Variants in THSD7B observed in about 807,000 individuals in gnomAD.
THSD7B encodes thrombospondin type 1 domain containing 7B.
In THSD7B, 138 loss-of-function variants were observed where a neutral mutation model predicts 213.6. That is an observed-to-expected ratio of 0.65 (90% CI 0.56 to 0.74). The LOEUF is 0.74. THSD7B is among the 30% of genes least tolerant of loss of function. The pLI is 0.00. For missense variants in THSD7B, 1,931 were observed against 1,991.5 expected (o/e 0.97, Z 0.58); for synonymous variants, 742 against 687.0 (o/e 1.08, Z -1.25).
At chr2:137,456,206 A>G (rs1234338287) in intron 15 of THSD7B, among the ~76,000 whole-genome samples, 1 of 152,202 alleles carries the variant, frequency 6.6e-6, no homozygotes, top group Non-Finnish European at 1.5e-5. Flanking sequence ...GAAATGAATA[A>G]TGTAATAAAT....
chr2:136,960,858 G>A (rs1403240327), intron 2 of THSD7B, among the ~76,000 whole-genome samples: 3 of 151,704 alleles, frequency 2.0e-5, no homozygotes, highest in Admixed American at 6.6e-5. Flanking sequence ...GGGAGGCCGA[G>A]GTGGGCGGAT....
At chr2:137,106,225 C>G (rs1688247307) in intron 4 of THSD7B, among the ~76,000 whole-genome samples, 1 of 152,088 alleles carries the variant, frequency 6.6e-6, no homozygotes, top group Non-Finnish European at 1.5e-5. Flanking sequence ...AGAACACAGA[C>G]CTCAGAAGTA....
At chr2:136,780,869 G>A (rs1018013154) in intron 1 of THSD7B, among the ~76,000 whole-genome samples, 4 of 152,192 alleles carry the variant, frequency 2.6e-5, no homozygotes, top group African/African-American at 9.7e-5. Flanking sequence ...ACAGAGAGGT[G>A]TAAAACAGGC....
intron 2 of THSD7B, among the ~76,000 whole-genome samples, chr2:137,003,069 C>T (rs1299449752): frequency 6.6e-6 from 1 of 152,114 alleles, no homozygotes; most frequent in Non-Finnish European, 1.5e-5. Context: ...AAATGTTTGA[C>T]ATATCTCTGG....
At chr2:136,896,419 A>G (rs2105007096) in intron 2 of THSD7B, among the ~76,000 whole-genome samples, 1 of 152,278 alleles carries the variant, frequency 6.6e-6, no homozygotes, top group African/African-American at 2.4e-5. Context: ...AGTGAGTTTC[A>G]AGAGTCCTTT....
At chr2:136,933,845 A>C (rs1252743838) in intron 2 of THSD7B, among the ~76,000 whole-genome samples, 2 of 152,170 alleles carry the variant, frequency 1.3e-5, no homozygotes, top group East Asian at 1.9e-4. Context: ...TTCAGTTCCT[A>C]ATGTATTCTA....
At chr2:137,354,231 A>G (rs1234855561) in intron 12 of THSD7B, among the ~76,000 whole-genome samples, 1 of 152,044 alleles carries the variant, frequency 6.6e-6, no homozygotes, top group East Asian at 1.9e-4. Context: ...TTGTATCCCC[A>G]CAGCCTCCTA....
chr2:137,409,100 G>A (rs372138299), intron 13 of THSD7B, among the ~76,000 whole-genome samples: 4 of 152,298 alleles, frequency 2.6e-5, no homozygotes, highest in African/African-American at 9.6e-5. Context: ...TAGGAGAGGA[G>A]TCTGGATTTC....
intron 17 of THSD7B, among the ~76,000 whole-genome samples, chr2:137,583,487 C>G (rs1681634007): frequency 6.6e-6 from 1 of 152,212 alleles, no homozygotes; most frequent in African/African-American, 2.4e-5. Context: ...ACATTTAAGT[C>G]TTAAATCCAT....
chr2:137,631,108 G>T (rs544066175), intron 20 of THSD7B, among the ~76,000 whole-genome samples: 1 of 152,202 alleles, frequency 6.6e-6, no homozygotes, highest in East Asian at 1.9e-4. Context: ...CTGATGCTTG[G>T]CATATACTTT....
chr2:137,158,640 C>T (rs867120052), intron 5 of THSD7B, among the ~76,000 whole-genome samples: 3 of 150,040 alleles, frequency 2.0e-5, no homozygotes, highest in African/African-American at 7.6e-5. Flanking sequence ...ATACTTTTTC[C>T]CCATGGGTTG....
chr2:137,425,099 G>GATA (rs35350170), intron 14 of THSD7B, among the ~76,000 whole-genome samples: 129,548 of 147,064 alleles, frequency 0.88, 57,916 homozygotes, highest in South Asian at 0.97. Context: ...TAATAATAAT[G>GATA]ATAATAATAA....
At chr2:136,998,947 CACACACACACA>C (rs1558882034) in intron 2 of THSD7B, among the ~76,000 whole-genome samples, 6 of 150,480 alleles carry the variant, frequency 4.0e-5, no homozygotes, top group Non-Finnish European at 7.4e-5. Context: ...CACACACACA[CACACACACACA>C]CCCCTGCTTT....
At chr2:137,305,703 T>G (rs922569944) in intron 12 of THSD7B, among the ~76,000 whole-genome samples, 4 of 152,126 alleles carry the variant, frequency 2.6e-5, no homozygotes, top group African/African-American at 9.6e-5. Context: ...AGACTCTCCC[T>G]TGTGACCCTC....
chr2:137,384,217 C>A (rs373997447), intron 12 of THSD7B, among the ~76,000 whole-genome samples: 2 of 152,152 alleles, frequency 1.3e-5, no homozygotes, highest in Admixed American at 6.5e-5. Context: ...TTAGGAGATA[C>A]CTCTGGACAC....
chr2:136,981,905 C>G (rs371651216), intron 2 of THSD7B, among the ~76,000 whole-genome samples: 1 of 152,178 alleles, frequency 6.6e-6, no homozygotes, highest in Non-Finnish European at 1.5e-5. Context: ...TTGTCCAGCA[C>G]GTGTCCAGTG....
intron 7 of THSD7B, among the ~76,000 whole-genome samples, chr2:137,191,560 C>T (rs1680660087): frequency 6.6e-6 from 1 of 151,932 alleles, no homozygotes; most frequent in South Asian, 2.1e-4. Context: ...TGAGGTTCCT[C>T]AAATCTAGGC....
At chr2:137,665,046 C>T (rs773527561) in intron 26 of THSD7B, among the ~76,000 whole-genome samples, 3 of 152,190 alleles carry the variant, frequency 2.0e-5, no homozygotes, top group Non-Finnish European at 4.4e-5. Context: ...ATTTATACCC[C>T]TCAATCAACT....
intron 3 of THSD7B, among the ~76,000 whole-genome samples, chr2:137,083,861 G>A (rs1687790868): frequency 6.6e-6 from 1 of 152,074 alleles, no homozygotes; most frequent in Non-Finnish European, 1.5e-5. Context: ...TAAATAATTG[G>A]AATAAGCATG....
Sources: gnomAD v4.1 joint callset for allele counts (sites outside exome capture counted in the v4.1 genomes callset) on GRCh38, gnomAD v4.1.1 for gene constraint, MANE v1.5 for transcripts, NCBI Gene and HGNC (gene_info 2026-07-23, HGNC 2026-07-21) for gene names.